The following NHEJ1 variants were observed in gnomAD, a reference collection of about 807,000 sequenced individuals.
NHEJ1 encodes non-homologous end joining factor 1, also known as non-homologous end-joining factor 1.
In NHEJ1, 22 loss-of-function variants were observed where a neutral mutation model predicts 39.4. That is an observed-to-expected ratio of 0.56 (90% CI 0.40 to 0.80). The LOEUF (loss-of-function observed/expected upper bound fraction) is 0.80, where lower values mean the gene tolerates loss of function less well. Ranked by LOEUF, NHEJ1 falls within the 30% of genes least tolerant of loss-of-function variation. The probability of loss-of-function intolerance (pLI) is 0.00; values close to 1 mark genes in which losing one functional copy is unlikely to be tolerated. For synonymous variants in NHEJ1, 154 were observed against 135.6 expected (o/e 1.14, Z -0.94); for missense variants, 329 against 357.1 (o/e 0.92, Z 0.63).
intron 5 of NHEJ1, among the ~76,000 whole-genome samples, chr2:219,087,898 T>G (rs1286179692): frequency 1.3e-5 from 2 of 152,142 alleles, no homozygotes; most frequent in Non-Finnish European, 2.9e-5. Context: ...CCAAAATATA[T>G]TAAAAACTCT....
At chr2:219,153,409 A>C (rs934059792) in intron 3 of NHEJ1, among the ~76,000 whole-genome samples, 1 of 152,220 alleles carries the variant, frequency 6.6e-6, no homozygotes, top group African/African-American at 2.4e-5. Context: ...GGAATCATAA[A>C]ATGTCCAAAG....
intron 5 of NHEJ1, among the ~76,000 whole-genome samples, chr2:219,088,131 T>C (rs780662660): frequency 6.6e-6 from 1 of 152,260 alleles, no homozygotes; most frequent in Non-Finnish European, 1.5e-5. Context: ...GGTGTGGTTA[T>C]AAATTGATAC....
intron 5 of NHEJ1, among the ~76,000 whole-genome samples, chr2:219,145,398 A>G (rs1357789508): frequency 6.6e-6 from 1 of 152,234 alleles, no homozygotes; most frequent in Non-Finnish European, 1.5e-5. Flanking sequence ...TAGCTCAGTC[A>G]ATGCACAGAG....
intron 5 of NHEJ1, among the ~76,000 whole-genome samples, chr2:219,091,764 G>A (rs983549212): frequency 6.6e-6 from 1 of 152,146 alleles, no homozygotes; most frequent in Non-Finnish European, 1.5e-5. Flanking sequence ...AAGGATTGTT[G>A]AAAAAGCTTC....
rs1253780350 is a variant in NHEJ1 at position 219,072,361 on chromosome 2, A to G, written c.*4020T>C. Among the ~76,000 whole-genome samples, 1 of 152,218 alleles carries G rather than the reference A, an allele frequency of 6.6e-6. No homozygotes were observed. The highest frequency in any genetic ancestry group is 2.1e-4 in the South Asian group (1 of 4,834). On this transcript the variant is annotated 3_prime_UTR_variant, in exon 8 of 8. Coordinates refer to ENST00000356853, the MANE Select transcript of NHEJ1 (RefSeq NM_024782.3). ...TAATCCATTACAATTTTGCTAGCCC[A>G]TACATTTATGGATATTAGTAACAGA...
intron 5 of NHEJ1, among the ~76,000 whole-genome samples, chr2:219,113,782 TTTCCAAGGTA>T (rs1377162170): frequency 6.6e-6 from 1 of 152,204 alleles, no homozygotes; most frequent in Non-Finnish European, 1.5e-5. Flanking sequence ...ACTGCTATCA[TTTCCAAGGTA>T]TTCCATACTT....
At chr2:219,137,595 A>AAAAAAAAGAAAAAAC (rs143557047) in intron 5 of NHEJ1, among the ~76,000 whole-genome samples, 1 of 82,668 alleles carries the variant, frequency 1.2e-5, no homozygotes, top group Admixed American at 1.2e-4. Flanking sequence ...AAAAAAAACA[A>AAAAAAAAGAAAAAAC]AAAAAACTGA....
chr2:219,083,477 A>AAG (rs752401754), intron 5 of NHEJ1, among the ~76,000 whole-genome samples: 7 of 151,764 alleles, frequency 4.6e-5, no homozygotes, highest in Non-Finnish European at 1.0e-4. Flanking sequence ...ACTAGAAAAA[A>AAG]AAAAAAGAAA....
At chr2:219,148,116 G>T (rs1465896125) in intron 3 of NHEJ1, among the ~76,000 whole-genome samples, 1 of 152,124 alleles carries the variant, frequency 6.6e-6, no homozygotes, top group Non-Finnish European at 1.5e-5. Context: ...AAAATTAACT[G>T]GGCTTGGTGG....
At chr2:219,108,004 C>T (rs1021397889) in intron 5 of NHEJ1, among the ~76,000 whole-genome samples, 13 of 152,098 alleles carry the variant, frequency 8.5e-5, no homozygotes, top group African/African-American at 2.4e-4. Flanking sequence ...GTCCGCTCAG[C>T]GACTGCGCCA....
chr2:219,137,023 C>A (rs1356157011), intron 5 of NHEJ1, among the ~76,000 whole-genome samples: 1 of 149,534 alleles, frequency 6.7e-6, no homozygotes, highest in Non-Finnish European at 1.5e-5. Flanking sequence ...CCCTTATAAG[C>A]CTTTGCAAAA....
At position 219,158,194 on chromosome 2, in the gene NHEJ1, G is replaced by C. The variant is rs118204451; in HGVS notation, c.169C>G (p.Arg57Gly). 1.6e-5 allele frequency: 26 copies of C among 1,613,984 alleles called. No homozygotes were observed. Among genetic ancestry groups the C allele is most frequent in the Non-Finnish European group, 2.2e-5 (26 of 1,180,036 alleles). ...CTTCTCCTCATACTTACCTTGGCTC[G>C]CTGGCTGACCACACTAGTGTCCACC... The part of the protein sequence containing the change: ...EQVDTSVVSQ[R>G]AKELNKRLTA... Residue 57 changes from arginine to glycine, a missense_variant, in exon 2 of 8, where the codon CGA becomes GGA. Coordinates refer to ENST00000356853, the MANE Select transcript of NHEJ1 (RefSeq NM_024782.3).
chr2:219,113,349 T>C (rs764182367), intron 5 of NHEJ1, among the ~76,000 whole-genome samples: 9 of 151,802 alleles, frequency 5.9e-5, no homozygotes, highest in Non-Finnish European at 1.2e-4. Flanking sequence ...TCAAAACAAA[T>C]TGAGGAGGGA....
chr2:219,084,442 G>C (rs1406403507), intron 5 of NHEJ1, among the ~76,000 whole-genome samples: 2 of 152,186 alleles, frequency 1.3e-5, no homozygotes, highest in South Asian at 2.1e-4. Context: ...TCAAGGTCCA[G>C]ATCAGGGAGA....
chr2:219,158,474 A>G, intron 1 of NHEJ1, 112 bp from the exon 2 acceptor site: 1 of 989,516 alleles, frequency 1.0e-6, no homozygotes, highest in Non-Finnish European at 1.6e-6. Context: ...CTCCCTGATA[A>G]AATAGAAGGC....
At chr2:219,142,122 T>C (rs527424501) in intron 5 of NHEJ1, among the ~76,000 whole-genome samples, 1 of 152,198 alleles carries the variant, frequency 6.6e-6, no homozygotes, top group African/African-American at 2.4e-5. Flanking sequence ...ATGTTAACTA[T>C]AGCCCCCTAA....
chr2:219,138,598 A>C (rs1439733977), intron 5 of NHEJ1, among the ~76,000 whole-genome samples: 4 of 152,250 alleles, frequency 2.6e-5, no homozygotes, highest in Non-Finnish European at 5.9e-5. Flanking sequence ...CCAGTGCACA[A>C]AACATACATC....
At chr2:219,159,237 A>C (rs1472996252) in intron 1 of NHEJ1, 9 of 152,340 alleles carry the variant, frequency 5.9e-5, no homozygotes, top group South Asian at 4.2e-4. Context: ...GAACCCCTGC[A>C]AAACAACTTT....
At chr2:219,139,891 G>A (rs1949673725) in intron 5 of NHEJ1, among the ~76,000 whole-genome samples, 1 of 152,214 alleles carries the variant, frequency 6.6e-6, no homozygotes, top group Non-Finnish European at 1.5e-5. Context: ...GTGTTAGCCA[G>A]GATGGTCTTG....
Sources: allele counts gnomAD v4.1 joint callset (sites outside exome capture counted in the v4.1 genomes callset), GRCh38; gene constraint gnomAD v4.1.1; transcripts MANE v1.5; gene names NCBI Gene and HGNC (gene_info 2026-07-23, HGNC 2026-07-21).